Variants in POP5 observed in about 807,000 individuals in gnomAD.
The protein encoded by POP5 is ribonuclease P/MRP protein subunit POP5.
In POP5, 18 loss-of-function variants were observed where a neutral mutation model predicts 20.7. The observed-to-expected ratio is 0.87, with a 90% CI of 0.60 to 1.29. POP5 has a LOEUF of 1.29. POP5 is among the 50% of genes most tolerant of loss of function. The pLI, the probability that POP5 is intolerant of heterozygous loss-of-function variation, is 0.00. For missense variants in POP5, 200 were observed against 203.2 expected, an observed-to-expected ratio of 0.98 and a Z score of 0.10; for synonymous variants, 91 against 78.0, an observed-to-expected ratio of 1.17 and a Z score of -0.88.
Position 120,579,769 on chromosome 12 carries a change from C to G in POP5, c.313+5G>C, listed in dbSNP as rs1410451895. The G allele has an allele frequency of 1.9e-6, 3 of 1,603,606 alleles. No individual in the cohort carries two copies. The Admixed American group carries it at 5.0e-5, about 27-fold the overall frequency. On this transcript the variant is annotated splice_donor_5th_base_variant and intron_variant, in intron 3 of 4. Coordinates refer to ENST00000357500, the MANE Select transcript of POP5 (RefSeq NM_015918.4). ...AAATCAGTAGCCATACCACCTCACT[C>G]CTACCTCCCACATGTAATGTGTTGA...
chr12:120,580,922 C>T, intron 2 of POP5, 193 bp downstream of exon 2: 1 of 809,356 alleles, frequency 1.2e-6, no homozygotes, highest in Admixed American at 2.9e-5. Flanking sequence ...AGCCCCACTG[C>T]CTTCGGGCCC....
chr12:120,579,169 A>G lies in POP5; in HGVS notation c.*149T>C, dbSNP rs1593130625. On this transcript the variant is annotated 3_prime_UTR_variant, in exon 5 of 5. Transcript: ENST00000357500. ...GGTAAAGGCAACTTCAGTTTAACTG[A>G]GTACTCCATTTCAAGTGGGTAATGT... The G allele has an allele frequency of 1.4e-6, 1 of 693,788 alleles. No homozygotes were observed. The highest frequency in any genetic ancestry group is 2.5e-6 in the Non-Finnish European group (1 of 393,514). The allele number at this position is 693,788 out of a possible 1,614,324, so 43.0% of individuals were successfully genotyped here. A position where few individuals can be genotyped will look rare whatever the true frequency, so the allele number is the denominator to read the frequency against.
At chr12:120,580,236 GTC>G in intron 2 of POP5, 1 of 257,636 alleles carries the variant, frequency 3.9e-6, no homozygotes, top group Non-Finnish European at 7.5e-6. Flanking sequence ...CAGCCAGACT[GTC>G]TCGAAAAAAG....
At chr12:120,579,980 G>A (rs747583376) in intron 2 of POP5, 57 bp from the exon 3 acceptor site, 15 of 1,526,962 alleles carry the variant, frequency 9.8e-6, no homozygotes, top group South Asian at 2.3e-5. Context: ...GGTGGCTCAC[G>A]CCTGTAATCC....
chr12:120,581,354 C>T lies in POP5; in HGVS notation c.9G>A (p.Arg3=). ...AAGGGAATGCTTACCTGTGCTTGAA[C>T]CGCACCATGGCTGCCTCCGCGCTCT... MV[R]FKHRYLLCEL... Residue 3 remains arginine, a synonymous_variant, in exon 1 of 5, where the codon CGG becomes CGA. Coordinates refer to ENST00000357500, the MANE Select transcript of POP5 (RefSeq NM_015918.4). 6.2e-7 allele frequency: 1 copy of T among 1,613,374 alleles called. No homozygotes were observed. The highest frequency in any genetic ancestry group is 2.2e-5 in the East Asian group (1 of 44,856).
At chr12:120,580,125 C>G (rs1021245997) in intron 2 of POP5, 5 of 496,770 alleles carry the variant, frequency 1.0e-5, no homozygotes, top group African/African-American at 5.9e-5. Flanking sequence ...ACCTGTAATT[C>G]CAGCCACTCA....
intron 2 of POP5, chr12:120,580,795 G>A (rs1877824353): frequency 2.7e-6 from 1 of 374,884 alleles, no homozygotes; most frequent in African/African-American, 2.1e-5. Flanking sequence ...TCATATAATA[G>A]CTCTTACTAG....
chr12:120,579,937 GA>G lies in POP5; in HGVS notation c.164-15del. 6.2e-7 allele frequency: 1 copy of G among 1,611,008 alleles called. No homozygotes were observed. Among genetic ancestry groups the G allele is most frequent in the South Asian group, 1.1e-5 (1 of 90,940 alleles). ...TGAGATATCGAACTACAACAGGAAA[GA>G]AAAATCATTTTGGAAAACTTTTGCT... On this transcript the variant is annotated splice_polypyrimidine_tract_variant and intron_variant, in intron 2 of 4. Transcript: ENST00000357500.
At position 120,581,276 on chromosome 12, in the gene POP5, A is replaced by C; in HGVS notation, c.21-19T>G. On this transcript the variant is annotated intron_variant, in intron 1 of 4. Transcript: ENST00000357500. ...CAGGTACCTGCGGCAGGCGAGAGGA[A>C]GGTGGACACTAGCGGGGCCGCGAGG... is the stretch of plus-strand genomic sequence containing the variant. 6.2e-7 allele frequency: 1 copy of C among 1,614,198 alleles called. No individual in the cohort carries two copies. The highest frequency in any genetic ancestry group is 8.5e-7 in the Non-Finnish European group (1 of 1,180,032).
In POP5 at chr12:120,579,901, A is replaced by G; in HGVS notation, c.186T>C (p.Thr62=). 6.2e-7 allele frequency: 1 copy of G among 1,613,734 alleles called. No homozygotes were observed. The highest frequency in any genetic ancestry group is 8.5e-7 in the Non-Finnish European group (1 of 1,179,688). The part of the protein sequence containing the change: ...GFAVRYLNAY[T]GIVLLRCRKE... ...TTCTGCATCGAAGTAGCACTATTCC[A>G]GTATAGGCATTGAGATATCGAACTA... The change falls in exon 3 of 5, where the codon ACT becomes ACC. Residue 62 remains threonine, a synonymous_variant. Coordinates refer to ENST00000357500, the MANE Select transcript of POP5 (RefSeq NM_015918.4).
intron 2 of POP5, 119 bp downstream of exon 2, chr12:120,580,996 C>T (rs1877833404): frequency 3.4e-6 from 5 of 1,452,838 alleles, no homozygotes; most frequent in South Asian, 1.3e-5. Flanking sequence ...AAAGAGATAC[C>T]TTACAAAAAA....
intron 3 of POP5, 71 bp downstream of exon 3, chr12:120,579,703 C>T: frequency 6.4e-7 from 1 of 1,551,932 alleles, no homozygotes; most frequent in Non-Finnish European, 8.9e-7. Context: ...GCAAGACCCA[C>T]CCACCAGTTT....
At position 120,579,515 on chromosome 12, in the gene POP5, TTCA is replaced by T. The variant is rs1346486284; in HGVS notation, c.393_395del (p.Asp131del). The T allele has an allele frequency of 6.2e-7, 1 of 1,613,770 alleles. No individual in the cohort carries two copies. The highest frequency in any genetic ancestry group is 1.3e-5 in the African/African-American group (1 of 74,944). On this transcript the variant is annotated inframe_deletion and splice_region_variant, in exon 4 of 5. Transcript: ENST00000357500. ...GGGCACTGGGCTAGTGTTGCTTACC[TTCA>T]TCAGTGCAGTTCTGCAACAAGATCA...
intron 2 of POP5, chr12:120,580,213 G>A (rs1383069937): frequency 3.4e-6 from 1 of 296,990 alleles, no homozygotes. Context: ...CTGCACTCCA[G>A]CAGCCTGGGC....
Position 120,579,264 on chromosome 12 carries a change from A to T in POP5, c.*54T>A. On this transcript the variant is annotated 3_prime_UTR_variant, in exon 5 of 5. Transcript: ENST00000357500. ...TGTTGCTACCCAGATTGTTCTGTTC[A>T]ACAAGTGGGCCTGAAGCCTGAGCAG... is the stretch of plus-strand genomic sequence containing the variant. 1 of 1,494,588 alleles carries T rather than the reference A, an allele frequency of 6.7e-7. No homozygotes were observed. The highest frequency in any genetic ancestry group is 9.3e-7 in the Non-Finnish European group (1 of 1,072,160). The allele number at this position is 1,494,588 out of a possible 1,614,324, so 92.6% of individuals were successfully genotyped here.
At position 120,581,331 on chromosome 12, in the gene POP5, G is replaced by C. The variant is rs377388521; in HGVS notation, c.20+12C>G. On this transcript the variant is annotated intron_variant, in intron 1 of 4. Transcript: ENST00000357500. ...AGCAAGGCACTGGGAGGGTCTGGAA[G>C]GGAATGCTTACCTGTGCTTGAACCG... The C allele has an allele frequency of 6.2e-7, 1 of 1,613,920 alleles. No homozygotes were observed. Among genetic ancestry groups the C allele is most frequent in the African/African-American group, 1.3e-5 (1 of 74,956 alleles).
intron 2 of POP5, 98 bp from the exon 3 acceptor site, chr12:120,580,021 C>G: frequency 8.3e-7 from 1 of 1,211,464 alleles, no homozygotes; most frequent in African/African-American, 1.5e-5. Flanking sequence ...GCGGGCAGAT[C>G]ACTTTAAGTC....
chr12:120,580,175 G>C, intron 2 of POP5: 1 of 393,422 alleles, frequency 2.5e-6, no homozygotes, highest in South Asian at 2.9e-5. Flanking sequence ...CCAGGAGGCA[G>C]AGGCAGCAAT....
Position 120,579,405 on chromosome 12 carries a change from C to A in POP5, c.405G>T (p.Arg135=). ...TTGTCACAGACTTCTGGATAGCTTC[C>A]CGCTCTCCTGGAGAAGGCAGATAAC... The part of the protein sequence containing the change: ...LLQNCTDEGE[R]EAIQKSVTRS... Residue 135 remains arginine, a synonymous_variant, in exon 5 of 5, where the codon CGG becomes CGT. Transcript: ENST00000357500. 1 of 1,613,682 alleles carries A rather than the reference C, an allele frequency of 6.2e-7. No individual in the cohort carries two copies. Among genetic ancestry groups the A allele is most frequent in the Non-Finnish European group, 8.5e-7 (1 of 1,179,592 alleles).
Sources: allele counts gnomAD v4.1 joint callset, GRCh38; gene constraint gnomAD v4.1.1; transcripts MANE v1.5; gene names NCBI Gene and HGNC (gene_info 2026-07-23, HGNC 2026-07-21).